The following ERVH48-1 variants were observed in gnomAD, a reference collection of about 807,000 sequenced individuals.
ERVH48-1 encodes suppressyn.
ERVH48-1 carries 4 observed loss-of-function variants against 2.4 expected under a neutral mutation model. The observed-to-expected ratio is 1.68, with a 90% CI of 0.83 to 3.84. The LOEUF (loss-of-function observed/expected upper bound fraction) is 3.84, where lower values mean the gene tolerates loss of function less well. Ranked by LOEUF, ERVH48-1 falls within the 30% of genes most tolerant of loss-of-function variation. ERVH48-1 has a pLI of 0.01. For missense variants in ERVH48-1, 97 were observed against 43.4 expected (o/e 2.23, Z -3.47); for synonymous variants, 32 against 15.5 (o/e 2.06, Z -2.49).
At chr21:42,924,079 GGAAA>G (rs983613313) in intron 1 of ERVH48-1, among the ~76,000 whole-genome samples, 3 of 152,194 alleles carry the variant, frequency 2.0e-5, no homozygotes, top group Non-Finnish European at 4.4e-5. Flanking sequence ...AGTATAGGCG[GGAAA>G]GAAAGAAAAG....
chr21:42,924,309 G>C (rs955943403), intron 1 of ERVH48-1, among the ~76,000 whole-genome samples: 2 of 152,120 alleles, frequency 1.3e-5, no homozygotes, highest in African/African-American at 4.8e-5. Context: ...TGCTGGCTGG[G>C]AAGACAAAGA....
rs974771992 is a variant in ERVH48-1 at position 42,919,141 on chromosome 21, G to T, written c.-135C>A. 6.3e-6 allele frequency: 7 copies of T among 1,118,722 alleles called. 1 individual carries two copies. In the Admixed American group the frequency reaches 2.1e-4, roughly 34 times the overall value. The allele number at this position is 1,118,722 out of a possible 1,614,324, so 69.3% of individuals were successfully genotyped here. On this transcript the variant is annotated 5_prime_UTR_variant, in exon 2 of 2. Transcript: ENST00000447535. ...TGTTTTGGAGGAAGAAGCTGCCTTG[G>T]GGGTGAGCTTGACCCTGGTGCGATG...
chr21:42,918,426 C>A lies in ERVH48-1; in HGVS notation c.*98G>T. The A allele has an allele frequency of 2.6e-6, 1 of 379,882 alleles. No individual in the cohort carries two copies. Among genetic ancestry groups the A allele is most frequent in the East Asian group, 7.2e-5 (1 of 13,886 alleles). 23.5% of individuals were successfully genotyped at this position (379,882 alleles called of 1,614,324 possible). On this transcript the variant is annotated 3_prime_UTR_variant, in exon 2 of 2. Coordinates refer to ENST00000447535, the MANE Select transcript of ERVH48-1 (RefSeq NM_001308491.2). ...AGCCACTGTTCACTCATAAAGCTCCCCCGCATACCCAACAATTGGACACAT... is the reference window on the plus strand; with the variant it reads ...AGCCACTGTTCACTCATAAAGCTCCACCGCATACCCAACAATTGGACACAT...
At chr21:42,921,543 A>C (rs897331773) in intron 1 of ERVH48-1, among the ~76,000 whole-genome samples, 10 of 152,022 alleles carry the variant, frequency 6.6e-5, no homozygotes, top group Non-Finnish European at 1.0e-4. Flanking sequence ...GGGATACCTG[A>C]TACCCCCACT....
Position 42,919,165 on chromosome 21 carries a change from T to C in ERVH48-1, c.-159A>G, listed in dbSNP as rs1379559092. 1.1e-6 allele frequency: 1 copy of C among 885,480 alleles called. No individual in the cohort carries two copies. Among genetic ancestry groups the C allele is most frequent in the South Asian group, 1.8e-5 (1 of 57,082 alleles). 54.9% of individuals were successfully genotyped at this position (885,480 alleles called of 1,614,324 possible). A position where few individuals can be genotyped will look rare whatever the true frequency, so the allele number is the denominator to read the frequency against. ...GGGGGTGAGCTTGACCCTGGTGCGA[T>C]GGATCCAGTTGGGGAGTCCTCGGAC... On this transcript the variant is annotated 5_prime_UTR_variant, in exon 2 of 2. Transcript: ENST00000447535.
At chr21:42,921,433 T>C (rs1179033382) in intron 1 of ERVH48-1, among the ~76,000 whole-genome samples, 1 of 151,996 alleles carries the variant, frequency 6.6e-6, no homozygotes, top group African/African-American at 2.4e-5. Context: ...CGGGAGGGAC[T>C]GGAAGAGGGA....
chr21:42,920,772 G>C (rs1243082103), intron 1 of ERVH48-1, among the ~76,000 whole-genome samples: 1 of 152,174 alleles, frequency 6.6e-6, no homozygotes, highest in Non-Finnish European at 1.5e-5. Flanking sequence ...GTGTGGAAAA[G>C]GTAAGAAAAG....
chr21:42,919,792 C>G (rs2058800058), intron 1 of ERVH48-1, among the ~76,000 whole-genome samples: 1 of 152,120 alleles, frequency 6.6e-6, no homozygotes, highest in Non-Finnish European at 1.5e-5. Flanking sequence ...ATATTTGCAC[C>G]TTCTGAAGTT....
At chr21:42,920,457 C>G (rs976517977) in intron 1 of ERVH48-1, among the ~76,000 whole-genome samples, 2 of 152,146 alleles carry the variant, frequency 1.3e-5, no homozygotes, top group African/African-American at 4.8e-5. Flanking sequence ...CTGATGAGAG[C>G]ATTCATGACA....
In ERVH48-1 at chr21:42,925,330, C is replaced by T; in HGVS notation, c.-286+16G>A. The T allele has an allele frequency of 2.4e-6, 1 of 417,296 alleles. No homozygotes were observed. Among genetic ancestry groups the T allele is most frequent in the South Asian group, 2.2e-5 (1 of 44,682 alleles). 25.8% of individuals were successfully genotyped at this position (417,296 alleles called of 1,614,324 possible). ...TGCGGATTTTTCCCTGTTAACCGGGCTCCCAGGAAACTTACCAGTAGGCGA... is the reference window on the plus strand; with the variant it reads ...TGCGGATTTTTCCCTGTTAACCGGGTTCCCAGGAAACTTACCAGTAGGCGA... On this transcript the variant is annotated intron_variant, in intron 1 of 1. Coordinates refer to ENST00000447535, the MANE Select transcript of ERVH48-1 (RefSeq NM_001308491.2).
intron 1 of ERVH48-1, among the ~76,000 whole-genome samples, chr21:42,922,292 G>A (rs2058808141): frequency 6.6e-6 from 1 of 152,040 alleles, no homozygotes; most frequent in Non-Finnish European, 1.5e-5. Context: ...GTTTTAGGGT[G>A]GGAGGTTGCA....
rs574746967 is a variant in ERVH48-1 at position 42,922,221 on chromosome 21, G to T, written c.-285-2930C>A. Among the ~76,000 whole-genome samples, 12 of 152,098 alleles carry T rather than the reference G, an allele frequency of 7.9e-5. No homozygotes were observed. The East Asian group carries it at 1.9e-3, about 24-fold the overall frequency. On this transcript the variant is annotated intron_variant, in intron 1 of 1. Transcript: ENST00000447535. ...GGGGTGTGGTGTTTTGCAACTGAGG[G>T]TGTGGAAGTATCTCAAAACAGCGGG...
At chr21:42,923,030 G>C (rs1031896381) in intron 1 of ERVH48-1, among the ~76,000 whole-genome samples, 6 of 152,234 alleles carry the variant, frequency 3.9e-5, no homozygotes, top group Non-Finnish European at 8.8e-5. Flanking sequence ...AGTCTTCAGC[G>C]GCAAGGCCGA....
chr21:42,917,568 G>A lies in ERVH48-1; in HGVS notation c.*956C>T, dbSNP rs73905784. On this transcript the variant is annotated 3_prime_UTR_variant, in exon 2 of 2. Coordinates refer to ENST00000447535, the MANE Select transcript of ERVH48-1 (RefSeq NM_001308491.2). ...GGAGATGTTAAACTTACCACAGCCC[G>A]CACCCTCTTCTGCTAATAAGTAGTC... 0.067 allele frequency: 10,157 copies of A among 152,146 alleles called. 377 individuals are homozygous for A. Among genetic ancestry groups the A allele is most frequent in the East Asian group, 0.13 (687 of 5,176 alleles). 9.4% of individuals were successfully genotyped at this position (152,146 alleles called of 1,614,324 possible).
chr21:42,925,444 G>C lies in ERVH48-1; in HGVS notation c.-384C>G. On this transcript the variant is annotated 5_prime_UTR_variant, in exon 1 of 2. Coordinates refer to ENST00000447535, the MANE Select transcript of ERVH48-1 (RefSeq NM_001308491.2). The stretch of plus-strand genomic sequence containing the variant: ...CTGCTGTGGCCTGCTTTCCCAGATG[G>C]AGGGGTGGTAGGTCCACTGGGGACG... 1 of 477,686 alleles carries C rather than the reference G, an allele frequency of 2.1e-6. No individual in the cohort carries two copies. Among genetic ancestry groups the C allele is most frequent in the Admixed American group, 2.9e-5 (1 of 34,580 alleles). 29.6% of individuals were successfully genotyped at this position (477,686 alleles called of 1,614,324 possible).
rs2146176724 is a variant in ERVH48-1 at position 42,918,442 on chromosome 21, T to C, written c.*82A>G. ...TAAAGCTCCCCCGCATACCCAACAA[T>C]TGGACACATTCATGGTAAGCACAAT... On this transcript the variant is annotated 3_prime_UTR_variant, in exon 2 of 2. Coordinates refer to ENST00000447535, the MANE Select transcript of ERVH48-1 (RefSeq NM_001308491.2). The C allele has an allele frequency of 2.6e-6, 1 of 390,570 alleles. No individual in the cohort carries two copies. The highest frequency in any genetic ancestry group is 5.1e-6 in the Non-Finnish European group (1 of 196,670). 24.2% of individuals were successfully genotyped at this position (390,570 alleles called of 1,614,324 possible).
Position 42,918,967 on chromosome 21 carries a change from G to A in ERVH48-1, c.40C>T (p.Pro14Ser). ...IYPTTFYTSL[P>S]TKSLNMGISL... ...ATTCCCATATTAAGACTTTTGGTTG[G>A]AAGAGAGGTATAGAAAGTGGTTGGG... The change falls in exon 2 of 2, where the codon CCA becomes TCA. Residue 14 changes from proline to serine, a missense_variant. Physicochemically the swap from Pro to Ser is moderately conservative, Grantham distance 74. Coordinates refer to ENST00000447535, the MANE Select transcript of ERVH48-1 (RefSeq NM_001308491.2). 1.1e-6 allele frequency: 1 copy of A among 883,038 alleles called. No individual in the cohort carries two copies. Among genetic ancestry groups the A allele is most frequent in the Non-Finnish European group, 1.6e-6 (1 of 617,790 alleles). The allele number at this position is 883,038 out of a possible 1,614,324, so 54.7% of individuals were successfully genotyped here. A position where few individuals can be genotyped will look rare whatever the true frequency, so the allele number is the denominator to read the frequency against.
rs2058797602 is a variant in ERVH48-1, at chr21:42,919,023, T to TTCCAGG, written c.-18_-17insCCTGGA. ...ACAGGCCATTCCTGGAAGCACGTGG[T>TTCCAGG]TAGTCTTCCTTGTGTTTTGGTTTTA... On this transcript the variant is annotated 5_prime_UTR_variant, in exon 2 of 2. Transcript: ENST00000447535. 1 of 1,236,560 alleles carries TTCCAGG rather than the reference T, an allele frequency of 8.1e-7. No individual in the cohort carries two copies. The highest frequency in any genetic ancestry group is 1.6e-5 in the African/African-American group (1 of 64,212). 76.6% of individuals were successfully genotyped at this position (1,236,560 alleles called of 1,614,324 possible).
At position 42,918,779 on chromosome 21, in the gene ERVH48-1, G is replaced by A. The variant is rs762585729; in HGVS notation, c.228C>T (p.Ile76=). The A allele has an allele frequency of 8.8e-6, 4 of 456,514 alleles. No individual in the cohort carries two copies. The highest frequency in any genetic ancestry group is 6.0e-5 in the African/African-American group (3 of 50,044). The allele number at this position is 456,514 out of a possible 1,614,324, so 28.3% of individuals were successfully genotyped here. A position where few individuals can be genotyped will look rare whatever the true frequency, so the allele number is the denominator to read the frequency against. Reference sequence around the variant, plus strand: ...TCTTTCCTGATTCAACACATTCCTCGATTAAGTTTCCATAACAGGATCTTT... The same window carrying A: ...TCTTTCCTGATTCAACACATTCCTCAATTAAGTTTCCATAACAGGATCTTT... ...HIERSCYGNL[I]EECVESGKSY... Residue 76 remains isoleucine (I), a synonymous_variant, in exon 2 of 2, where the codon ATC becomes ATT. Coordinates refer to ENST00000447535, the MANE Select transcript of ERVH48-1 (RefSeq NM_001308491.2).
Sources: gnomAD v4.1 joint callset for allele counts (sites outside exome capture counted in the v4.1 genomes callset) on GRCh38, gnomAD v4.1.1 for gene constraint, MANE v1.5 for transcripts, NCBI Gene and HGNC (gene_info 2026-07-23, HGNC 2026-07-21) for gene names.